Variants in CLCA2 observed in about 807,000 individuals in gnomAD.
The protein encoded by CLCA2 is chloride channel accessory 2.
Under a neutral mutation model 82.9 loss-of-function variants are expected in CLCA2, and 85 were observed. The ratio of observed to expected loss-of-function variants is 1.03; its 90% confidence interval spans 0.86 to 1.23. The LOEUF is 1.23. CLCA2 is among the 50% of genes most tolerant of loss of function. The pLI is 0.00. For missense variants in CLCA2, 1,089 were observed against 1,124.8 expected, an observed-to-expected ratio of 0.97 and a Z score of 0.45; for synonymous variants, 421 against 391.7, an observed-to-expected ratio of 1.07 and a Z score of -0.88.
rs376524378 is a variant in CLCA2, at chr1:86,447,727, G to A, written c.1933G>A (p.Glu645Lys). 5.0e-6 allele frequency: 8 copies of A among 1,613,878 alleles called. No homozygotes were observed. The highest frequency in any genetic ancestry group is 5.9e-6 in the Non-Finnish European group (7 of 1,180,010). The change falls in exon 11 of 14, where the codon GAG (glutamate) becomes AAG (lysine). Residue 645 changes from glutamate (E) to lysine (K), a missense_variant. Coordinates refer to ENST00000370565, the MANE Select transcript of CLCA2 (RefSeq NM_006536.7). ...TAATGCCACTGTCACTGCCACAGTT[G>A]AGCCAGAGACTGGAGATCCTGTTAC... ...ILNATVTATV[E>K]PETGDPVTLR...
At chr1:86,431,033 A>T in intron 4 of CLCA2, 63 bp downstream of exon 4, 1 of 1,183,448 alleles carries the variant, frequency 8.4e-7, no homozygotes, top group Non-Finnish European at 1.2e-6. Flanking sequence ...CTTATAACTT[A>T]AGCAATTAAA....
At chr1:86,427,624 G>A (rs901889644) in intron 2 of CLCA2, among the ~76,000 whole-genome samples, 16 of 150,886 alleles carry the variant, frequency 1.1e-4, no homozygotes, top group African/African-American at 3.4e-4. Flanking sequence ...ATATTGGATC[G>A]TATTAGATCT....
At chr1:86,445,723 T>TA (rs1272539028) in intron 10 of CLCA2, among the ~76,000 whole-genome samples, 2 of 152,136 alleles carry the variant, frequency 1.3e-5, no homozygotes, top group African/African-American at 4.8e-5. Flanking sequence ...ACAGAGCATG[T>TA]AAGATTTTCT....
chr1:86,447,837 G>A (rs987569048), intron 11 of CLCA2, 59 bp downstream of exon 11: 29 of 1,478,818 alleles, frequency 2.0e-5, no homozygotes, highest in South Asian at 1.4e-4. Context: ...GATATGATGC[G>A]GTAGTATCAA....
intron 5 of CLCA2, 77 bp from the exon 6 acceptor site, chr1:86,434,441 A>G (rs748720769): frequency 3.5e-5 from 42 of 1,207,584 alleles, no homozygotes; most frequent in South Asian, 2.9e-4. Flanking sequence ...TCTTTTACCT[A>G]TAGTTCCTTG....
Position 86,430,943 on chromosome 1 carries a change from A to C in CLCA2, c.557A>C (p.Asn186Thr). The change falls in exon 4 of 14, where the codon AAT becomes ACT. Residue 186 changes from asparagine to threonine, a missense_variant. Transcript: ENST00000370565. ...AACAATGACAAACCTTTCTACATAAATGGGCAAAATCAAATTAAAGTGACA... is the reference window on the plus strand; with the variant it reads ...AACAATGACAAACCTTTCTACATAACTGGGCAAAATCAAATTAAAGTGACA... The part of the protein sequence containing the change: ...EYNNDKPFYI[N>T]GQNQIKVTRC... 6.2e-7 allele frequency: 1 copy of C among 1,612,738 alleles called. No homozygotes were observed. Among genetic ancestry groups the C allele is most frequent in the African/African-American group, 1.3e-5 (1 of 74,990 alleles).
At position 86,434,652 on chromosome 1, in the gene CLCA2, G is replaced by C. The variant is rs773125913; in HGVS notation, c.879G>C (p.Gly293=). 1 of 1,614,102 alleles carries C rather than the reference G, an allele frequency of 6.2e-7. No homozygotes were observed. Among genetic ancestry groups the C allele is most frequent in the Non-Finnish European group, 8.5e-7 (1 of 1,179,980 alleles). Residue 293 remains glycine, a synonymous_variant, in exon 6 of 14, where the codon GGG becomes GGC. Transcript: ENST00000370565. ...ADFHHSFPMN[G]TELPPPPTFS... The stretch of plus-strand genomic sequence containing the variant: ...TTCACCACAGCTTTCCCATGAATGG[G>C]ACTGAGCTTCCACCTCCTCCCACAT...
Position 86,447,594 on chromosome 1 carries a change from A to T in CLCA2, c.1800A>T (p.Ser600=), listed in dbSNP as rs1662880372. ...CAGTGACCTCTCGCGCCTCCAACTC[A>T]GCTGTGCCCCCAGCCACTGTGGAAG... ...KVTVTSRASN[S]AVPPATVEAF... Residue 600 remains serine, a synonymous_variant, in exon 11 of 14, where the codon TCA becomes TCT. Transcript: ENST00000370565. 3 of 1,613,956 alleles carry T rather than the reference A, an allele frequency of 1.9e-6. No homozygotes were observed. The highest frequency in any genetic ancestry group is 3.3e-5 in the Admixed American group (2 of 59,982).
At chr1:86,446,522 T>C (rs777040492) in intron 10 of CLCA2, among the ~76,000 whole-genome samples, 2 of 152,194 alleles carry the variant, frequency 1.3e-5, no homozygotes, top group African/African-American at 2.4e-5. Flanking sequence ...GTTCCTGCCA[T>C]GCATCTGTCA....
intron 2 of CLCA2, among the ~76,000 whole-genome samples, chr1:86,427,655 T>A (rs1662416064): frequency 6.6e-6 from 1 of 152,026 alleles, no homozygotes; most frequent in African/African-American, 2.4e-5. Flanking sequence ...AATCAGCTTT[T>A]AAAAAAACTT....
At chr1:86,436,308 C>A (rs1053395221) in intron 6 of CLCA2, among the ~76,000 whole-genome samples, 1 of 152,132 alleles carries the variant, frequency 6.6e-6, no homozygotes, top group African/African-American at 2.4e-5. Flanking sequence ...GAGTATTTAC[C>A]CCGCAGAAAC....
chr1:86,428,485 G>C lies in CLCA2; in HGVS notation c.392G>C (p.Gly131Ala), dbSNP rs762369375. The change falls in exon 3 of 14, where the codon GGG becomes GCG. Residue 131 changes from glycine to alanine, a missense_variant. By Grantham distance (60) the Gly-to-Ala change is moderately conservative. Coordinates refer to ENST00000370565, the MANE Select transcript of CLCA2 (RefSeq NM_006536.7). The part of the protein sequence containing the change: ...GDDPYTLQYR[G>A]CGKEGKYIHF... The stretch of plus-strand genomic sequence containing the variant: ...GATCCATACACCCTACAATACAGAG[G>C]GTGTGGAAAAGAGGGAAAATACATT... The C allele has an allele frequency of 2.5e-6, 4 of 1,613,548 alleles. No homozygotes were observed. Among genetic ancestry groups the C allele is most frequent in the Non-Finnish European group, 3.4e-6 (4 of 1,179,748 alleles).
intron 5 of CLCA2, 25 bp downstream of exon 5, chr1:86,432,553 A>G: frequency 6.2e-7 from 1 of 1,602,232 alleles, no homozygotes. Flanking sequence ...GGAATGACAC[A>G]CTCTTGCAGG....
rs368390621 is a variant in CLCA2, at chr1:86,444,025, G to C, written c.1713+14G>C. The C allele has an allele frequency of 8.4e-6, 13 of 1,545,988 alleles. No individual in the cohort carries two copies. In the Admixed American group the frequency reaches 1.2e-4, roughly 14 times the overall value. Reference sequence around the variant, plus strand: ...GGAACAGCTAAGGTAGGTGTTGTGAGTTTGTTCCTAAGGACAACGTTCAAC... The same window carrying C: ...GGAACAGCTAAGGTAGGTGTTGTGACTTTGTTCCTAAGGACAACGTTCAAC... On this transcript the variant is annotated intron_variant, in intron 10 of 13. Coordinates refer to ENST00000370565, the MANE Select transcript of CLCA2 (RefSeq NM_006536.7).
At chr1:86,447,114 TCA>T in intron 10 of CLCA2, among the ~76,000 whole-genome samples, 1 of 152,318 alleles carries the variant, frequency 6.6e-6, no homozygotes, top group East Asian at 1.9e-4. Flanking sequence ...TGTAATTTTC[TCA>T]GTTATGAAAA....
intron 3 of CLCA2, 145 bp from the exon 4 acceptor site, chr1:86,430,716 AG>A: frequency 1.5e-6 from 1 of 665,206 alleles, no homozygotes; most frequent in East Asian, 2.7e-5. Context: ...GATAGGGGAG[AG>A]GAAAAGGGGA....
At chr1:86,447,886 T>C in intron 11 of CLCA2, 108 bp downstream of exon 11, 1 of 1,160,392 alleles carries the variant, frequency 8.6e-7, no homozygotes, top group South Asian at 1.6e-5. Context: ...GTTCAATTTT[T>C]TTTTAATCTT....
intron 8 of CLCA2, among the ~76,000 whole-genome samples, 169 bp from the exon 9 acceptor site, chr1:86,441,268 A>G (rs1662731219): frequency 6.6e-6 from 1 of 152,224 alleles, no homozygotes; most frequent in African/African-American, 2.4e-5. Context: ...GCCTAGGGCC[A>G]CTTACCATGT....
At chr1:86,452,690 A>G (rs758622160) in intron 12 of CLCA2, among the ~76,000 whole-genome samples, 6 of 152,138 alleles carry the variant, frequency 3.9e-5, no homozygotes, top group Admixed American at 1.3e-4. Context: ...GAAGCCTTTC[A>G]ATGTTACCTC....
Sources: allele counts gnomAD v4.1 joint callset (sites outside exome capture counted in the v4.1 genomes callset), GRCh38; gene constraint gnomAD v4.1.1; transcripts MANE v1.5; gene names NCBI Gene and HGNC (gene_info 2026-07-23, HGNC 2026-07-21).